SOX5: variants seen among roughly 807,000 people sequenced by gnomAD.
SOX5 encodes transcription factor SOX-5.
A neutral mutation model predicts 92.0 loss-of-function variants in SOX5; 9 were observed. The ratio of observed to expected loss-of-function variants is 0.10; its 90% CI spans 0.06 to 0.17. The LOEUF (loss-of-function observed/expected upper bound fraction) is 0.17, where lower values mean the gene tolerates loss of function less well. Among genes scored for constraint, SOX5 ranks in the 10% least tolerant of loss-of-function variants. SOX5 has a pLI of 1.00. For missense variants in SOX5, 642 were observed against 944.5 expected, an observed-to-expected ratio of 0.68 and a Z score of 4.20; for synonymous variants, 344 against 336.3, an observed-to-expected ratio of 1.02 and a Z score of -0.25.
intron 4 of SOX5, among the ~76,000 whole-genome samples, chr12:24,006,209 T>C (rs1798073867): frequency 6.6e-6 from 1 of 152,160 alleles, no homozygotes; most frequent in African/African-American, 2.4e-5. Context: ...ATCAGGATAG[T>C]AGAACAGAAA....
chr12:24,255,255 G>A (rs1471781592), intron 3 of SOX5, among the ~76,000 whole-genome samples: 1 of 152,018 alleles, frequency 6.6e-6, no homozygotes, highest in East Asian at 1.9e-4. Flanking sequence ...AGCTTTTGTT[G>A]TCTCCCAAGA....
intron 1 of SOX5, among the ~76,000 whole-genome samples, chr12:24,437,135 A>G (rs1327972575): frequency 6.6e-6 from 1 of 152,194 alleles, no homozygotes; most frequent in Non-Finnish European, 1.5e-5. Flanking sequence ...ACAACATGAC[A>G]CCTATTCTGC....
rs575703590 is a variant in SOX5, at chr12:24,038,319, A to G, written c.-1-142295T>C. Among the ~76,000 whole-genome samples, 75 of 152,232 alleles carry G rather than the reference A, an allele frequency of 4.9e-4. 1 individual carries two copies. The South Asian group carries it at 0.015, about 31-fold the overall frequency. ...CTCATCCCTCCCAGGCTTTCCTGCTACCTTCTGGAGCAGTGACAATACCAA... is the reference window on the plus strand; with the variant it reads ...CTCATCCCTCCCAGGCTTTCCTGCTGCCTTCTGGAGCAGTGACAATACCAA... On this transcript the variant is annotated intron_variant, in intron 4 of 4. Transcript: ENST00000446891.
intron 1 of SOX5, among the ~76,000 whole-genome samples, chr12:24,477,532 G>A (rs773289254): frequency 6.6e-6 from 1 of 152,010 alleles, no homozygotes; most frequent in Non-Finnish European, 1.5e-5. Flanking sequence ...AATGGCCACT[G>A]TTAGCCGTTT....
At position 24,158,409 on chromosome 12, in the gene SOX5, C is replaced by A. The variant is rs192884865; in HGVS notation, c.-2+54934G>T. 1.8e-3 allele frequency among the ~76,000 whole-genome samples: 274 copies of A among 151,938 alleles called. 2 individuals carry two copies. Among genetic ancestry groups the A allele is most frequent in the African/African-American group, 6.3e-3 (261 of 41,514 alleles). On this transcript the variant is annotated intron_variant, in intron 4 of 4. Coordinates refer to the SOX5 transcript ENST00000446891. ...GCTGCTCAGGAGGTCACAGGAATAACTAACATTTACCCAGAATGAATACAT... is the reference window on the plus strand; with the variant it reads ...GCTGCTCAGGAGGTCACAGGAATAAATAACATTTACCCAGAATGAATACAT...
chr12:24,270,675 T>A (rs1943614352), intron 3 of SOX5, among the ~76,000 whole-genome samples: 1 of 152,164 alleles, frequency 6.6e-6, no homozygotes, highest in African/African-American at 2.4e-5. Flanking sequence ...GACCTCAACC[T>A]CTTTCCTCAT....
rs1240659301 is a variant in SOX5, at chr12:24,009,427, C to CTT, written c.-1-113404_-1-113403insAA. 6.1e-5 allele frequency among the ~76,000 whole-genome samples: 7 copies of CTT among 114,210 alleles called. No homozygotes were observed. In the East Asian group the frequency reaches 1.1e-3, roughly 18 times the overall value. 74.9% of individuals were successfully genotyped at this position (114,210 alleles called of 152,430 possible). Reference sequence around the variant, plus strand: ...TTATATAATCAAAACTTATTTGCATCCTATATTTTCAGGTGTAAAATGAAC... The same window carrying CTT: ...TTATATAATCAAAACTTATTTGCATCTTCTATATTTTCAGGTGTAAAATGAAC... On this transcript the variant is annotated intron_variant, in intron 4 of 4. Transcript: ENST00000446891.
intron 2 of SOX5, among the ~76,000 whole-genome samples, chr12:24,306,779 C>A (rs1468474734): frequency 6.6e-6 from 1 of 152,112 alleles, no homozygotes; most frequent in Non-Finnish European, 1.5e-5. Context: ...GATAGCCACC[C>A]TTCTACTCCT....
chr12:23,976,193 G>GA (rs917644093), intron 4 of SOX5, among the ~76,000 whole-genome samples: 3 of 151,608 alleles, frequency 2.0e-5, no homozygotes, highest in Non-Finnish European at 4.4e-5. Flanking sequence ...GATGATTAAA[G>GA]AAAAAAATTC....
At chr12:24,530,558 C>T (rs1951101506) in intron 1 of SOX5, among the ~76,000 whole-genome samples, 1 of 151,914 alleles carries the variant, frequency 6.6e-6, no homozygotes, top group African/African-American at 2.4e-5. Context: ...GAGGCTGAGG[C>T]AGGAGAATCG....
chr12:24,491,852 TC>T lies in SOX5; in HGVS notation c.-251+70476del, dbSNP rs75711785. Among the ~76,000 whole-genome samples the T allele has an allele frequency of 4.5e-4, 69 of 152,280 alleles. 1 individual carries two copies. The East Asian group carries it at 0.013, about 28-fold the overall frequency. ...GTTGTAGGAATATGCCGTTTCACAC[TC>T]CAAGCAGAGTTGTTTTTTTGGTTTT... is the stretch of plus-strand genomic sequence containing the variant. On this transcript the variant is annotated intron_variant, in intron 1 of 4. Coordinates refer to the SOX5 transcript ENST00000446891.
intron 4 of SOX5, among the ~76,000 whole-genome samples, chr12:23,754,538 C>A (rs1393842882): frequency 6.6e-6 from 1 of 151,782 alleles, no homozygotes; most frequent in Non-Finnish European, 1.5e-5. Context: ...ATTTTCTCAT[C>A]ACCCTTTCAC....
intron 1 of SOX5, among the ~76,000 whole-genome samples, chr12:24,466,160 C>A (rs746668001): frequency 6.6e-6 from 1 of 152,036 alleles, no homozygotes; most frequent in Non-Finnish European, 1.5e-5. Flanking sequence ...ATGAACAGAT[C>A]TGAGAAAGCC....
In SOX5 at chr12:24,264,987, T is replaced by G. The variant is rs115349058; in HGVS notation, c.-77+12229A>C. ...GATACAACAGGAAGAACTACCCAACTAGGGGAGGCATATCAACCCGAAAGC... is the reference window on the plus strand; with the variant it reads ...GATACAACAGGAAGAACTACCCAACGAGGGGAGGCATATCAACCCGAAAGC... On this transcript the variant is annotated intron_variant, in intron 3 of 4. Coordinates refer to the SOX5 transcript ENST00000446891. Among the ~76,000 whole-genome samples the G allele has an allele frequency of 6.3e-3, 961 of 152,262 alleles. 11 individuals are homozygous for G. Among genetic ancestry groups the G allele is most frequent in the African/African-American group, 0.022 (920 of 41,548 alleles).
At chr12:23,852,916 A>G (rs546099522) in intron 2 of SOX5, among the ~76,000 whole-genome samples, 1 of 152,130 alleles carries the variant, frequency 6.6e-6, no homozygotes, top group Non-Finnish European at 1.5e-5. Context: ...CTGTCATAGG[A>G]AAAACTGTTA....
At chr12:23,991,646 G>A (rs890582866) in intron 4 of SOX5, among the ~76,000 whole-genome samples, 1 of 151,744 alleles carries the variant, frequency 6.6e-6, no homozygotes, top group Admixed American at 6.6e-5. Flanking sequence ...TTCATAGGAG[G>A]TAGTAATTTT....
At chr12:24,376,689 CCTTTTTTTTTTTTTTTTT>C (rs1957301714) in intron 1 of SOX5, among the ~76,000 whole-genome samples, 1 of 93,084 alleles carries the variant, frequency 1.1e-5, no homozygotes, top group Non-Finnish European at 2.1e-5. Flanking sequence ...GGGAGAGATA[CCTTTTTTTTTTTTTTTTT>C]TTTTTTTTTT....
At chr12:24,540,779 A>G (rs1354969698) in intron 1 of SOX5, among the ~76,000 whole-genome samples, 3 of 152,174 alleles carry the variant, frequency 2.0e-5, no homozygotes, top group African/African-American at 7.2e-5. Flanking sequence ...ATTAATATGA[A>G]TGCATAAATT....
chr12:24,528,496 C>A (rs773342069), intron 1 of SOX5, among the ~76,000 whole-genome samples: 1 of 152,168 alleles, frequency 6.6e-6, no homozygotes, highest in Non-Finnish European at 1.5e-5. Flanking sequence ...TTGTCAATAA[C>A]CACAAGGGGA....
Sources: allele counts gnomAD v4.1 joint callset (sites outside exome capture counted in the v4.1 genomes callset), GRCh38; gene constraint gnomAD v4.1.1; transcripts MANE v1.5; gene names NCBI Gene and HGNC (gene_info 2026-07-23, HGNC 2026-07-21).